NPAS3: variants seen among roughly 807,000 people sequenced by gnomAD.
The protein encoded by NPAS3 is neuronal PAS domain protein 3.
In NPAS3, 14 loss-of-function variants were observed where a neutral mutation model predicts 73.1. That is an observed-to-expected ratio of 0.19 (90% CI 0.13 to 0.30). The LOEUF is 0.30. Ranked by LOEUF, NPAS3 falls within the 10% of genes least tolerant of loss-of-function variation. The pLI is 1.00. For synonymous variants in NPAS3, 620 were observed against 541.5 expected (o/e 1.14, Z -2.01); for missense variants, 1,096 against 1,250.0 (o/e 0.88, Z 1.86).
chr14:32,947,688 T>C (rs2036318749), intron 1 of NPAS3, among the ~76,000 whole-genome samples: 1 of 152,154 alleles, frequency 6.6e-6, no homozygotes, highest in Admixed American at 6.6e-5. Context: ...GTTACAAAGA[T>C]ATCTTGAACA....
At chr14:33,526,435 C>T (rs1302113391) in intron 4 of NPAS3, among the ~76,000 whole-genome samples, 2 of 149,938 alleles carry the variant, frequency 1.3e-5, no homozygotes, top group Non-Finnish European at 3.0e-5. Flanking sequence ...TGAAACAGGG[C>T]ATGACTATCA....
intron 2 of NPAS3, among the ~76,000 whole-genome samples, chr14:33,079,111 C>A (rs932641086): frequency 2.6e-5 from 4 of 152,078 alleles, no homozygotes; most frequent in African/African-American, 9.7e-5. Context: ...CTCAGAGATG[C>A]TTCAGATGGC....
intron 4 of NPAS3, among the ~76,000 whole-genome samples, chr14:33,389,020 A>G (rs2046891821): frequency 2.0e-5 from 3 of 152,112 alleles, no homozygotes; most frequent in Admixed American, 6.5e-5. Flanking sequence ...TAGGTATGCT[A>G]TAGACTCTCA....
At chr14:33,251,572 A>G (rs2048586357) in intron 3 of NPAS3, among the ~76,000 whole-genome samples, 1 of 152,000 alleles carries the variant, frequency 6.6e-6, no homozygotes, top group Non-Finnish European at 1.5e-5. Context: ...CCAACTGTTT[A>G]CTTTTTATAC....
chr14:33,610,156 G>A (rs1257207667), intron 5 of NPAS3, among the ~76,000 whole-genome samples: 1 of 152,136 alleles, frequency 6.6e-6, no homozygotes, highest in Admixed American at 6.5e-5. Flanking sequence ...AAAAGAGGAA[G>A]AAATGAGTTT....
intron 4 of NPAS3, among the ~76,000 whole-genome samples, chr14:33,438,169 G>A (rs1251447306): frequency 2.0e-5 from 3 of 152,132 alleles, no homozygotes; most frequent in Non-Finnish European, 4.4e-5. Flanking sequence ...TGCTTACTGA[G>A]CATAAAAAAC....
At chr14:33,452,158 G>A (rs1038854979) in intron 4 of NPAS3, among the ~76,000 whole-genome samples, 1 of 152,150 alleles carries the variant, frequency 6.6e-6, no homozygotes, top group Non-Finnish European at 1.5e-5. Flanking sequence ...GTGAACAAGT[G>A]CATTCAGGCA....
chr14:33,453,335 T>C (rs2049886871), intron 4 of NPAS3, among the ~76,000 whole-genome samples: 1 of 152,206 alleles, frequency 6.6e-6, no homozygotes, highest in Non-Finnish European at 1.5e-5. Context: ...TTCAAGAATT[T>C]TAGAGCCAGA....
Position 33,420,502 on chromosome 14 carries a change from G to A in NPAS3, c.468+53234G>A, listed in dbSNP as rs1235611750. Reference sequence around the variant, plus strand: ...TTATTTAGACCTGTGGTTTTTCCCTGTGTTTTTTTTTTAAAGCACAAACAT... The same window carrying A: ...TTATTTAGACCTGTGGTTTTTCCCTATGTTTTTTTTTTAAAGCACAAACAT... On this transcript the variant is annotated intron_variant, in intron 4 of 11. Coordinates refer to ENST00000356141, the Ensembl canonical transcript of NPAS3. Among the ~76,000 whole-genome samples the A allele has an allele frequency of 3.3e-5, 5 of 151,710 alleles. No individual in the cohort carries two copies. The South Asian group carries it at 6.2e-4, about 19-fold the overall frequency.
chr14:33,597,694 G>A (rs891428052), intron 5 of NPAS3, among the ~76,000 whole-genome samples: 2 of 152,214 alleles, frequency 1.3e-5, no homozygotes, highest in Non-Finnish European at 2.9e-5. Flanking sequence ...TAGGCACAGG[G>A]TGGAAGTATT....
rs534470992 is a variant in NPAS3, at chr14:33,535,360, C to T, written c.469-24761C>T. Among the ~76,000 whole-genome samples, 131 of 152,234 alleles carry T rather than the reference C, an allele frequency of 8.6e-4. No individual in the cohort carries two copies. In the South Asian group the frequency reaches 0.015, roughly 17 times the overall value. On this transcript the variant is annotated intron_variant, in intron 4 of 11. Coordinates refer to ENST00000356141, the Ensembl canonical transcript of NPAS3. ...AGTATAAGAAACAGTAAAATGGACA[C>T]TTGAGTAGGACTGCTGTTAGAAGAG...
intron 3 of NPAS3, among the ~76,000 whole-genome samples, chr14:33,362,772 C>A (rs1266248316): frequency 6.6e-6 from 1 of 152,144 alleles, no homozygotes; most frequent in Admixed American, 6.5e-5. Flanking sequence ...TGCCGTACTG[C>A]CCTCCACCTT....
intron 2 of NPAS3, among the ~76,000 whole-genome samples, chr14:33,199,938 CA>C (rs2046550987): frequency 6.6e-6 from 1 of 152,052 alleles, no homozygotes. Flanking sequence ...CGTTGTCTCT[CA>C]ACATTATTGC....
intron 1 of NPAS3, among the ~76,000 whole-genome samples, chr14:33,009,938 C>G (rs181996290): frequency 4.8e-4 from 73 of 152,280 alleles, no homozygotes; most frequent in African/African-American, 1.5e-3. Flanking sequence ...AATAAAGGCA[C>G]TGGACAGTGT....
chr14:33,728,440 G>T (rs1350638004), intron 6 of NPAS3, among the ~76,000 whole-genome samples: 4 of 152,174 alleles, frequency 2.6e-5, no homozygotes, highest in Non-Finnish European at 5.9e-5. Flanking sequence ...CTCACAACTG[G>T]GTAGGGACAG....
At chr14:33,079,827 G>C (rs1392548989) in intron 2 of NPAS3, among the ~76,000 whole-genome samples, 1 of 151,602 alleles carries the variant, frequency 6.6e-6, no homozygotes, top group Non-Finnish European at 1.5e-5. Flanking sequence ...GGCCAGGCTG[G>C]TCTCAAATTC....
chr14:33,053,855 A>G (rs1217978498), intron 1 of NPAS3, among the ~76,000 whole-genome samples: 5 of 152,162 alleles, frequency 3.3e-5, no homozygotes, highest in Admixed American at 3.3e-4. Context: ...AATTATTGAG[A>G]GCCAGGTAAC....
chr14:33,380,362 G>A (rs2046492964), intron 4 of NPAS3, among the ~76,000 whole-genome samples: 1 of 152,064 alleles, frequency 6.6e-6, no homozygotes, highest in African/African-American at 2.4e-5. Context: ...GAGGAGGGGT[G>A]CAGGGTATAG....
At chr14:33,449,108 G>A (rs2049664328) in intron 4 of NPAS3, among the ~76,000 whole-genome samples, 1 of 152,178 alleles carries the variant, frequency 6.6e-6, no homozygotes, top group South Asian at 2.1e-4. Context: ...AGGTAGAGGT[G>A]ACATTGTCTG....
Sources: allele counts gnomAD v4.1 joint callset (sites outside exome capture counted in the v4.1 genomes callset), GRCh38; gene constraint gnomAD v4.1.1; transcripts MANE v1.5; gene names NCBI Gene and HGNC (gene_info 2026-07-23, HGNC 2026-07-21).